The following ACD variants were observed in gnomAD, a reference collection of about 807,000 sequenced individuals.
ACD encodes adrenocortical dysplasia protein homolog.
Under a neutral mutation model 53.9 loss-of-function variants are expected in ACD, and 39 were observed. That is an observed-to-expected ratio of 0.72 (90% CI 0.56 to 0.95). The LOEUF (loss-of-function observed/expected upper bound fraction) is 0.95. Ranked by LOEUF, ACD falls within the 40% of genes least tolerant of loss-of-function variation. The pLI is 0.00. For missense variants in ACD, 526 were observed against 587.9 expected (o/e 0.89, Z 1.09); for synonymous variants, 273 against 249.2 (o/e 1.10, Z -0.90).
At chr16:67,659,174 G>A (rs1394471812) in intron 6 of ACD, 55 bp downstream of exon 6, 16 of 1,613,062 alleles carry the variant, frequency 9.9e-6, no homozygotes, top group Non-Finnish European at 1.4e-5. Context: ...ATAAGGTTAA[G>A]GCTGGAGAGA....
rs1267071716 is a variant in ACD, at chr16:67,658,013, C to T, written c.1179G>A (p.Arg393=). The part of the protein sequence containing the change: ...RPPFPRTGAT[R]GAQEPCSVWE... The stretch of plus-strand genomic sequence containing the variant: ...AGACAGAGCAGGGCTCCTGGGCTCC[C>T]CTGGTAGCTCCGGTCCTGGGAAAAG... The change falls in exon 10 of 12, where the codon AGG becomes AGA. Residue 393 remains arginine, a synonymous_variant. Transcript: ENST00000620761. 2.6e-6 allele frequency: 4 copies of T among 1,551,140 alleles called. No individual in the cohort carries two copies. Among genetic ancestry groups the T allele is most frequent in the African/African-American group, 2.7e-5 (2 of 73,080 alleles).
At chr16:67,659,440 G>C (rs375559289) in intron 4 of ACD, 21 bp from the exon 5 acceptor site, 7 of 1,614,066 alleles carry the variant, frequency 4.3e-6, no homozygotes, top group Non-Finnish European at 5.9e-6. Flanking sequence ...GAGAAGGGTA[G>C]TTAATGGGGG....
Position 67,659,436 on chromosome 16 carries a change from G to A in ACD, c.414-17C>T, listed in dbSNP as rs1291861643. 1 of 1,613,922 alleles carries A rather than the reference G, an allele frequency of 6.2e-7. No homozygotes were observed. Among genetic ancestry groups the A allele is most frequent in the Admixed American group, 1.7e-5 (1 of 60,006 alleles). On this transcript the variant is annotated splice_polypyrimidine_tract_variant and intron_variant, in intron 4 of 11. Transcript: ENST00000620761. ...TCTTGGTTGCTAAGAAAAAGAGAAG[G>A]GTAGTTAATGGGGGCCCAAGCCCTC...
In ACD at chr16:67,659,508, A is replaced by T. The variant is rs1356482556; in HGVS notation, c.413+29T>A. The T allele has an allele frequency of 6.2e-6, 10 of 1,613,268 alleles. No homozygotes were observed. The South Asian group carries it at 9.9e-5, about 16-fold the overall frequency. On this transcript the variant is annotated intron_variant, in intron 4 of 11. Coordinates refer to ENST00000620761, the MANE Select transcript of ACD (RefSeq NM_001082486.2). Reference sequence around the variant, plus strand: ...GCGCCGGCCAGGCTGGGGTGGGGAGAGCTGCTGGAGGGCGGAGGCATCACT... The same window carrying T: ...GCGCCGGCCAGGCTGGGGTGGGGAGTGCTGCTGGAGGGCGGAGGCATCACT...
Position 67,659,805 on chromosome 16 carries a change from G to A in ACD, c.243-10C>T. 3 of 1,600,898 alleles carry A rather than the reference G, an allele frequency of 1.9e-6. No individual in the cohort carries two copies. Among genetic ancestry groups the A allele is most frequent in the South Asian group, 2.2e-5 (2 of 90,360 alleles). ...GAACTCCTTCTCCTCCCTGCAACAA[G>A]CAGGATCCTCACTGCCGGGCCCACC... is the stretch of plus-strand genomic sequence containing the variant. On this transcript the variant is annotated splice_polypyrimidine_tract_variant and intron_variant, in intron 2 of 11. Transcript: ENST00000620761.
At position 67,659,424 on chromosome 16, in the gene ACD, G is replaced by C. The variant is rs372700670; in HGVS notation, c.414-5C>G. The C allele has an allele frequency of 1.9e-6, 3 of 1,614,066 alleles. No individual in the cohort carries two copies. Among genetic ancestry groups the C allele is most frequent in the Non-Finnish European group, 1.7e-6 (2 of 1,180,018 alleles). ...TGAACATCTAAGTCTTGGTTGCTAAGAAAAAGAGAAGGGTAGTTAATGGGG... is the reference window on the plus strand; with the variant it reads ...TGAACATCTAAGTCTTGGTTGCTAACAAAAAGAGAAGGGTAGTTAATGGGG... On this transcript the variant is annotated splice_region_variant and splice_polypyrimidine_tract_variant and intron_variant, in intron 4 of 11. Transcript: ENST00000620761.
At chr16:67,659,830 C>A in intron 2 of ACD, 35 bp from the exon 3 acceptor site, 2 of 1,590,292 alleles carry the variant, frequency 1.3e-6, no homozygotes, top group Non-Finnish European at 8.6e-7. Flanking sequence ...CCGGGCCCAC[C>A]TGAACACAAG....
In ACD at chr16:67,660,200, C is replaced by A; in HGVS notation, c.21G>T (p.Leu7=). MAGSGR[L]VLRPWIRELI... Reference sequence around the variant, plus strand: ...GCTCCCGAATCCAGGGCCGTAGGACCAGCCTCCCCGAACCTGCCATCCCCA... The same window carrying A: ...GCTCCCGAATCCAGGGCCGTAGGACAAGCCTCCCCGAACCTGCCATCCCCA... The change falls in exon 1 of 12, where the codon CTG becomes CTT. Residue 7 remains leucine (L), a synonymous_variant. Coordinates refer to ENST00000620761, the MANE Select transcript of ACD (RefSeq NM_001082486.2). 1 of 1,612,642 alleles carries A rather than the reference C, an allele frequency of 6.2e-7. No homozygotes were observed. Among genetic ancestry groups the A allele is most frequent in the Non-Finnish European group, 8.5e-7 (1 of 1,179,924 alleles).
Position 67,657,723 on chromosome 16 carries a change from G to C in ACD, c.1298+39C>G, listed in dbSNP as rs1198487477. 1 of 1,614,010 alleles carries C rather than the reference G, an allele frequency of 6.2e-7. No individual in the cohort carries two copies. Among genetic ancestry groups the C allele is most frequent in the Admixed American group, 1.7e-5 (1 of 60,016 alleles). ...ACCGCTGCAGGTCAATGGAGCCTGGGACTAGTGACCAAGAGTTGGGGCAGA... is the reference window on the plus strand; with the variant it reads ...ACCGCTGCAGGTCAATGGAGCCTGGCACTAGTGACCAAGAGTTGGGGCAGA... On this transcript the variant is annotated intron_variant, in intron 11 of 11. Coordinates refer to ENST00000620761, the MANE Select transcript of ACD (RefSeq NM_001082486.2). This position sits in a 1 kb window ranked among gnomAD's most constrained non-coding sequence, Gnocchi z 4.5.
chr16:67,659,534 T>C lies in ACD; in HGVS notation c.413+3A>G, dbSNP rs8058187. The C allele has an allele frequency of 0.027, 43,977 of 1,612,960 alleles. 6,521 individuals are homozygous for C. The African/African-American group carries it at 0.4, about 15-fold the overall frequency. ...GCTGCTGGAGGGCGGAGGCATCACTTACCAACCAGGCACCCGTAGCCGGGG... is the reference window on the plus strand; with the variant it reads ...GCTGCTGGAGGGCGGAGGCATCACTCACCAACCAGGCACCCGTAGCCGGGG... On this transcript the variant is annotated splice_donor_region_variant and intron_variant, in intron 4 of 11. Coordinates refer to ENST00000620761, the MANE Select transcript of ACD (RefSeq NM_001082486.2).
In ACD at chr16:67,657,871, T is replaced by C. The variant is rs1055884453; in HGVS notation, c.1207-18A>G. On this transcript the variant is annotated intron_variant, in intron 10 of 11. Transcript: ENST00000620761. This position sits in a 1 kb window ranked among gnomAD's most constrained non-coding sequence, Gnocchi z 4.5. ...GGGGGTTCCTGAAAGGGGTATGGTG[T>C]CTGGGGAAGAGCTAACAAGGACCCC... 4 of 1,613,776 alleles carry C rather than the reference T, an allele frequency of 2.5e-6. No individual in the cohort carries two copies. Among genetic ancestry groups the C allele is most frequent in the Non-Finnish European group, 2.5e-6 (3 of 1,179,944 alleles).
chr16:67,658,348 G>C lies in ACD; in HGVS notation c.844C>G (p.Pro282Ala). Reference protein sequence around the residue: ...SPSSSGTPALPGHMSSEESGT... With the variant: ...SPSSSGTPALAGHMSSEESGT... ...CTTTCCTCGGATGACATGTGGCCGG[G>C]TAAGGCCGGGGTTCCTGAGGAGGAG... Residue 282 changes from proline to alanine, a missense_variant, in exon 10 of 12, where the codon CCC (proline) becomes GCC (alanine). Pro to Ala is a conservative substitution (Grantham distance 27, BLOSUM62 -1). Coordinates refer to ENST00000620761, the MANE Select transcript of ACD (RefSeq NM_001082486.2). 6.2e-7 allele frequency: 1 copy of C among 1,613,754 alleles called. No individual in the cohort carries two copies. The highest frequency in any genetic ancestry group is 8.5e-7 in the Non-Finnish European group (1 of 1,179,940).
In ACD at chr16:67,657,572, A is replaced by G. The variant is rs751651102; in HGVS notation, c.*34T>C. The G allele has an allele frequency of 6.2e-7, 1 of 1,614,100 alleles. No homozygotes were observed. The highest frequency in any genetic ancestry group is 1.7e-5 in the Admixed American group (1 of 60,034). ...TTTTATTAAAAAACTCAAAGGAAGC[A>G]GAGTGTGGAGCGGTATCTGTCCTGC... On this transcript the variant is annotated 3_prime_UTR_variant, in exon 12 of 12. Transcript: ENST00000620761. This position sits in a 1 kb window ranked among gnomAD's most constrained non-coding sequence, Gnocchi z 4.5.
At position 67,658,041 on chromosome 16, in the gene ACD, G is replaced by A. The variant is rs781117606; in HGVS notation, c.1151C>T (p.Pro384Leu). The change falls in exon 10 of 12, where the codon CCG becomes CTG. Residue 384 changes from proline to leucine, a missense_variant. Physicochemically the swap from Pro to Leu is moderately conservative, Grantham distance 98. Coordinates refer to ENST00000620761, the MANE Select transcript of ACD (RefSeq NM_001082486.2). ...GGTAGCTCCGGTCCTGGGAAAAGGC[G>A]GCCGATTCTTGCAGGGCAACCCTAC... is the stretch of plus-strand genomic sequence containing the variant. ...EFVGLPCKNRPPFPRTGATRG... is the reference protein window; with the variant it reads ...EFVGLPCKNRLPFPRTGATRG... 3.0e-5 allele frequency: 47 copies of A among 1,547,080 alleles called. No individual in the cohort carries two copies. The highest frequency in any genetic ancestry group is 6.8e-5 in the East Asian group (3 of 44,432).
In ACD at chr16:67,658,195, C is replaced by T. The variant is rs202104741; in HGVS notation, c.997G>A (p.Ala333Thr). 1.1e-4 allele frequency: 171 copies of T among 1,611,924 alleles called. No individual in the cohort carries two copies. The highest frequency in any genetic ancestry group is 9.7e-4 in the African/African-American group (73 of 74,972). The change falls in exon 10 of 12, where the codon GCC becomes ACC. Residue 333 changes from alanine to threonine, a missense_variant. Ala to Thr is a moderately conservative substitution (Grantham distance 58, BLOSUM62 0). Transcript: ENST00000620761. ...PATLTPRSPH[A>T]SRTPSSPLQS... ...AGTGGGGAGCTGGGGGTACGGCTGG[C>T]GTGTGGGGACCTGGGGGTCAGGGTG...
At chr16:67,658,885 A>C in intron 7 of ACD, 43 bp downstream of exon 7, 1 of 1,606,358 alleles carries the variant, frequency 6.2e-7, no homozygotes. Flanking sequence ...ACCCTTGCCC[A>C]ACTCCTCACC....
At position 67,659,733 on chromosome 16, in the gene ACD, C is replaced by T. The variant is rs2052962344; in HGVS notation, c.305G>A (p.Gly102Glu). ...EGRLLLLQDCGVHVQVAEGGA... is the reference protein window; with the variant it reads ...EGRLLLLQDCEVHVQVAEGGA... Reference sequence around the variant, plus strand: ...GCCCTCAGCGACCTGGACATGAACCCCGCAGTCCTGCAGCAGCAGCAGCCG... The same window carrying T: ...GCCCTCAGCGACCTGGACATGAACCTCGCAGTCCTGCAGCAGCAGCAGCCG... The change falls in exon 3 of 12, where the codon GGG becomes GAG. Residue 102 changes from glycine (G) to glutamate (E), a missense_variant. Physicochemically the swap from Gly to Glu is moderately conservative, Grantham distance 98. Transcript: ENST00000620761. 2.5e-6 allele frequency: 4 copies of T among 1,613,378 alleles called. No individual in the cohort carries two copies. The East Asian group carries it at 8.9e-5, about 36-fold the overall frequency.
In ACD at chr16:67,659,786, C is replaced by T. The variant is rs781404876; in HGVS notation, c.252G>A (p.Lys84=). 1 of 1,607,196 alleles carries T rather than the reference C, an allele frequency of 6.2e-7. No individual in the cohort carries two copies. Among genetic ancestry groups the T allele is most frequent in the African/African-American group, 1.3e-5 (1 of 74,826 alleles). ...CCTCTGTCCCGCGGAAGCCGAACTC[C>T]TTCTCCTCCCTGCAACAAGCAGGAT... ...EALDTSDWEE[K]EFGFRGTEGR... Residue 84 remains lysine (K), a synonymous_variant, in exon 3 of 12, where the codon AAG becomes AAA. Transcript: ENST00000620761.
At chr16:67,658,500 C>A (rs1388749418) in intron 9 of ACD, 55 bp downstream of exon 9, 5 of 1,572,442 alleles carry the variant, frequency 3.2e-6, no homozygotes, top group Non-Finnish European at 3.5e-6. Context: ...CTGCGCAGCC[C>A]GGGAACCTGA....
Sources: allele counts gnomAD v4.1 joint callset, GRCh38; gene constraint gnomAD v4.1.1; non-coding constraint Gnocchi (gnomAD v3.1); transcripts MANE v1.5; gene names NCBI Gene and HGNC (gene_info 2026-07-23, HGNC 2026-07-21).